Variants in GRM7 observed in about 807,000 individuals in gnomAD.
The protein encoded by GRM7 is metabotropic glutamate receptor 7.
GRM7 carries 35 observed loss-of-function variants against 84.5 expected under a neutral mutation model. The observed-to-expected ratio is 0.41, with a 90% CI of 0.32 to 0.55. The LOEUF (loss-of-function observed/expected upper bound fraction) is 0.55. Among genes scored for constraint, GRM7 ranks in the 20% least tolerant of loss-of-function variants. The probability of loss-of-function intolerance (pLI) is 0.19; values close to 1 mark genes in which losing one functional copy is unlikely to be tolerated. For missense variants in GRM7, 1,003 were observed against 1,194.6 expected, an observed-to-expected ratio of 0.84 and a Z score of 2.36; for synonymous variants, 487 against 455.1, an observed-to-expected ratio of 1.07 and a Z score of -0.89.
At chr3:7,732,343 T>TA (rs1310399343) in intron 9 of GRM7, among the ~76,000 whole-genome samples, 1 of 152,164 alleles carries the variant, frequency 6.6e-6, no homozygotes, top group Non-Finnish European at 1.5e-5. Context: ...TCCTGATACT[T>TA]AAAGTTCTAA....
chr3:7,126,429 C>T (rs935197663), intron 1 of GRM7, among the ~76,000 whole-genome samples: 3 of 152,166 alleles, frequency 2.0e-5, no homozygotes, highest in Non-Finnish European at 4.4e-5. Flanking sequence ...AGAAAGCATG[C>T]TTCAATAAAC....
chr3:6,933,459 T>A (rs1462949261), intron 1 of GRM7, among the ~76,000 whole-genome samples: 3 of 152,202 alleles, frequency 2.0e-5, no homozygotes, highest in African/African-American at 4.8e-5. Flanking sequence ...CTGCTTACTT[T>A]AAGATGAAAG....
chr3:7,408,480 C>G (rs1695777288), intron 4 of GRM7, among the ~76,000 whole-genome samples: 1 of 152,136 alleles, frequency 6.6e-6, no homozygotes. Context: ...TCAATAGACA[C>G]ACCAAATAAT....
At chr3:7,370,735 C>G (rs151162609) in intron 4 of GRM7, among the ~76,000 whole-genome samples, 2 of 152,250 alleles carry the variant, frequency 1.3e-5, no homozygotes, top group Non-Finnish European at 2.9e-5. Flanking sequence ...ACCTCACCCT[C>G]CCTCATAGAA....
rs890349510 is a variant in GRM7 at position 7,722,482 on chromosome 3, T to C, written c.2699-17875T>C. Among the ~76,000 whole-genome samples the C allele has an allele frequency of 2.0e-5, 3 of 151,814 alleles. No individual in the cohort carries two copies. In the South Asian group the frequency reaches 6.2e-4, roughly 32 times the overall value. On this transcript the variant is annotated intron_variant, in intron 9 of 9. Transcript: ENST00000357716. The stretch of plus-strand genomic sequence containing the variant: ...TTTTTTTTGAGACAGTCTTGCTCTG[T>C]TGCCTAGGCTGAAGTGCAGTGGCGA...
chr3:7,648,520 G>C (rs898733530), intron 8 of GRM7, among the ~76,000 whole-genome samples: 1 of 151,904 alleles, frequency 6.6e-6, no homozygotes, highest in African/African-American at 2.4e-5. Context: ...ATGGTGGCAG[G>C]TGCCTGTAAC....
At chr3:6,941,489 T>C (rs1198705995) in intron 1 of GRM7, among the ~76,000 whole-genome samples, 2 of 152,200 alleles carry the variant, frequency 1.3e-5, no homozygotes, top group Non-Finnish European at 2.9e-5. Context: ...GAAAGGTTTA[T>C]GAAGAGAAAT....
chr3:7,546,913 G>A (rs1337835382), intron 7 of GRM7, among the ~76,000 whole-genome samples: 5 of 152,274 alleles, frequency 3.3e-5, no homozygotes, highest in Admixed American at 2.6e-4. Flanking sequence ...CATTGAAAAA[G>A]CATTCTTGTT....
intron 4 of GRM7, among the ~76,000 whole-genome samples, chr3:7,399,914 T>C (rs1270471105): frequency 6.6e-6 from 1 of 152,140 alleles, no homozygotes; most frequent in African/African-American, 2.4e-5. Flanking sequence ...CTTTTTTCTT[T>C]ATCACTTGCG....
intron 1 of GRM7, among the ~76,000 whole-genome samples, chr3:7,136,470 C>T (rs9819800): frequency 0.29 from 43,744 of 151,920 alleles, 6,593 homozygotes; most frequent in African/African-American, 0.37. Flanking sequence ...TCCTAAATGA[C>T]TTCCTTGGTC....
chr3:7,321,386 A>T (rs1700775492), intron 4 of GRM7, among the ~76,000 whole-genome samples: 1 of 152,068 alleles, frequency 6.6e-6, no homozygotes, highest in South Asian at 2.1e-4. Context: ...TTATTTGATG[A>T]AATCAATGAA....
intron 2 of GRM7, among the ~76,000 whole-genome samples, chr3:7,205,913 G>A (rs1222656897): frequency 6.6e-6 from 1 of 152,134 alleles, no homozygotes; most frequent in Non-Finnish European, 1.5e-5. Flanking sequence ...TAATAGAATT[G>A]AGCTATGTGT....
intron 1 of GRM7, among the ~76,000 whole-genome samples, chr3:6,919,568 T>C (rs1016012019): frequency 6.2e-5 from 5 of 80,192 alleles, no homozygotes; most frequent in Non-Finnish European, 1.3e-4. Flanking sequence ...ATTGTTCATC[T>C]TTTTTTTTTT....
intron 4 of GRM7, among the ~76,000 whole-genome samples, chr3:7,370,762 G>C (rs914053723): frequency 2.0e-5 from 3 of 152,102 alleles, no homozygotes; most frequent in Non-Finnish European, 4.4e-5. Context: ...GTGTACATCA[G>C]TGTCAGGGTT....
intron 8 of GRM7, among the ~76,000 whole-genome samples, chr3:7,655,577 G>A (rs1385480671): frequency 6.6e-6 from 1 of 152,172 alleles, no homozygotes; most frequent in Non-Finnish European, 1.5e-5. Flanking sequence ...TTCTTGGTTT[G>A]AGAATGCACT....
At chr3:7,291,413 T>C (rs948487949) in intron 2 of GRM7, among the ~76,000 whole-genome samples, 3 of 152,034 alleles carry the variant, frequency 2.0e-5, no homozygotes, top group African/African-American at 7.2e-5. Flanking sequence ...CCTTTTGCTG[T>C]GGCCTAGTGG....
chr3:7,084,604 G>T (rs1698381150), intron 1 of GRM7, among the ~76,000 whole-genome samples: 1 of 152,082 alleles, frequency 6.6e-6, no homozygotes, highest in South Asian at 2.1e-4. Context: ...ATCCTGGGAG[G>T]AGCTGCTGAA....
chr3:7,692,284 G>C (rs541309734), intron 9 of GRM7, among the ~76,000 whole-genome samples: 2 of 152,162 alleles, frequency 1.3e-5, no homozygotes, highest in Non-Finnish European at 2.9e-5. Flanking sequence ...TGGCCGGCTG[G>C]CAAGCTGAAG....
intron 3 of GRM7, among the ~76,000 whole-genome samples, chr3:7,300,265 C>T (rs532163511): frequency 5.3e-5 from 8 of 152,276 alleles, no homozygotes; most frequent in Middle Eastern, 3.4e-3. Context: ...TTTTCAATGT[C>T]TTTACCACCA....
Sources: allele counts gnomAD v4.1 joint callset (sites outside exome capture counted in the v4.1 genomes callset), GRCh38; gene constraint gnomAD v4.1.1; transcripts MANE v1.5; gene names NCBI Gene and HGNC (gene_info 2026-07-23, HGNC 2026-07-21).